The following MACROH2A2 variants were observed in gnomAD, a reference collection of about 807,000 sequenced individuals.
MACROH2A2 encodes the protein macroH2A.2 histone, also known as core histone macro-H2A.2.
A neutral mutation model predicts 37.6 loss-of-function variants in MACROH2A2; 6 were observed. The observed-to-expected ratio is 0.16, with a 90% CI of 0.09 to 0.32. MACROH2A2 has a LOEUF of 0.32. Ranked by LOEUF, MACROH2A2 falls within the 10% of genes least tolerant of loss-of-function variation. The pLI is 1.00. For missense variants in MACROH2A2, 290 were observed against 485.9 expected (o/e 0.60, Z 3.79); for synonymous variants, 192 against 202.7 (o/e 0.95, Z 0.45).
intron 7 of MACROH2A2, among the ~76,000 whole-genome samples, chr10:70,104,930 G>T (rs1371556508): frequency 2.0e-5 from 3 of 152,216 alleles, no homozygotes. Context: ...ATCTTAACAT[G>T]GTTAAAACAG....
chr10:70,062,661 G>C (rs1006607105), intron 1 of MACROH2A2, among the ~76,000 whole-genome samples: 1 of 152,160 alleles, frequency 6.6e-6, no homozygotes. Context: ...CGGTGTGACC[G>C]AACCCCACCT....
chr10:70,079,142 T>G (rs1223341971), intron 2 of MACROH2A2, among the ~76,000 whole-genome samples: 2 of 151,856 alleles, frequency 1.3e-5, no homozygotes, highest in African/African-American at 4.8e-5. Context: ...AACTGCGGGT[T>G]GGGGGAAGGG....
At chr10:70,057,130 A>T (rs988024175) in intron 1 of MACROH2A2, among the ~76,000 whole-genome samples, 2 of 152,224 alleles carry the variant, frequency 1.3e-5, no homozygotes, top group Admixed American at 1.3e-4. Flanking sequence ...TCATTTATTC[A>T]AACACTAGTT....
At chr10:70,085,168 G>T (rs1464118418) in intron 2 of MACROH2A2, among the ~76,000 whole-genome samples, 1 of 152,158 alleles carries the variant, frequency 6.6e-6, no homozygotes, top group Non-Finnish European at 1.5e-5. Flanking sequence ...CTAGATCTCT[G>T]GTAGGAGCCA....
intron 6 of MACROH2A2, among the ~76,000 whole-genome samples, chr10:70,095,961 G>A (rs777281666): frequency 6.6e-6 from 1 of 152,126 alleles, no homozygotes; most frequent in African/African-American, 2.4e-5. Flanking sequence ...TTGGGGTATT[G>A]TGTAAAAGCA....
chr10:70,094,159 C>T (rs2072261896), intron 5 of MACROH2A2, among the ~76,000 whole-genome samples: 1 of 145,934 alleles, frequency 6.9e-6, no homozygotes, highest in Non-Finnish European at 1.5e-5. Context: ...TCTACATCTG[C>T]CAAAAAAAAA....
chr10:70,071,791 A>G (rs138872033), intron 1 of MACROH2A2, among the ~76,000 whole-genome samples: 3 of 152,340 alleles, frequency 2.0e-5, no homozygotes, highest in African/African-American at 4.8e-5. Flanking sequence ...AAAGGACAGT[A>G]AAATACAGTA....
At chr10:70,086,444 T>G (rs1460563297) in intron 2 of MACROH2A2, among the ~76,000 whole-genome samples, 1 of 152,222 alleles carries the variant, frequency 6.6e-6, no homozygotes, top group African/African-American at 2.4e-5. Context: ...TGCTGCATGC[T>G]GAGTCTCTGC....
At chr10:70,063,387 A>G (rs911183128) in intron 1 of MACROH2A2, among the ~76,000 whole-genome samples, 3 of 152,198 alleles carry the variant, frequency 2.0e-5, no homozygotes, top group Admixed American at 2.0e-4. Context: ...TGGGAACCTC[A>G]TATGCTGCAA....
chr10:70,101,022 GA>G (rs1372564739), intron 7 of MACROH2A2, among the ~76,000 whole-genome samples: 5 of 152,180 alleles, frequency 3.3e-5, no homozygotes, highest in African/African-American at 9.7e-5. Flanking sequence ...ACCTCACACA[GA>G]AACCCTGTTG....
At chr10:70,072,836 A>C (rs2136623651) in intron 1 of MACROH2A2, among the ~76,000 whole-genome samples, 1 of 152,304 alleles carries the variant, frequency 6.6e-6, no homozygotes, top group African/African-American at 2.4e-5. Flanking sequence ...GCACACCGAT[A>C]GTCCCAGCTA....
intron 6 of MACROH2A2, among the ~76,000 whole-genome samples, chr10:70,097,114 G>A (rs149240492): frequency 0.011 from 1,665 of 152,222 alleles, 15 homozygotes; most frequent in South Asian, 0.023. Flanking sequence ...AAAAATTCAC[G>A]CTCAGATCCC....
At chr10:70,102,729 AAAAAG>A (rs1209640068) in intron 7 of MACROH2A2, among the ~76,000 whole-genome samples, 1 of 152,132 alleles carries the variant, frequency 6.6e-6, no homozygotes, top group African/African-American at 2.4e-5. Context: ...AAAAAAAAGA[AAAAAG>A]AAGAAAAGAA....
chr10:70,061,006 G>A (rs1257497184), intron 1 of MACROH2A2, among the ~76,000 whole-genome samples: 1 of 151,518 alleles, frequency 6.6e-6, no homozygotes, highest in Non-Finnish European at 1.5e-5. Flanking sequence ...AAGAAATATT[G>A]GTTTAAAGAA....
At chr10:70,105,405 T>C (rs990623739) in intron 7 of MACROH2A2, among the ~76,000 whole-genome samples, 4 of 151,916 alleles carry the variant, frequency 2.6e-5, no homozygotes, top group African/African-American at 9.7e-5. Context: ...CCGGAGAGAA[T>C]GGGCGAGGGA....
intron 3 of MACROH2A2, 152 bp from the exon 4 acceptor site, chr10:70,091,605 C>T (rs560780952): frequency 1.2e-4 from 68 of 575,312 alleles, no homozygotes; most frequent in African/African-American, 1.1e-3. Context: ...AACCTGGAGG[C>T]GGAGGCTGCA....
chr10:70,065,829 GA>G lies in MACROH2A2; in HGVS notation c.-59-9763del, dbSNP rs567180763. ...GGGAGGGATAATCAAAGACATAATA[GA>G]AAAAAAATCCATGTTATAAAAGTCT... On this transcript the variant is annotated intron_variant, in intron 1 of 8. Coordinates refer to ENST00000373255, the MANE Select transcript of MACROH2A2 (RefSeq NM_018649.3). 3.4e-4 allele frequency among the ~76,000 whole-genome samples: 51 copies of G among 151,776 alleles called. No homozygotes were observed. The South Asian group carries it at 0.011, about 32-fold the overall frequency.
intron 2 of MACROH2A2, among the ~76,000 whole-genome samples, chr10:70,086,108 C>T (rs2072209455): frequency 6.6e-6 from 1 of 151,958 alleles, no homozygotes; most frequent in African/African-American, 2.4e-5. Context: ...AATGATCCTC[C>T]CACCCCAGCC....
chr10:70,058,893 C>A (rs1179107901), intron 1 of MACROH2A2, among the ~76,000 whole-genome samples: 1 of 151,982 alleles, frequency 6.6e-6, no homozygotes, highest in Non-Finnish European at 1.5e-5. Flanking sequence ...CTTAAGTCCC[C>A]CGTCCCCCCA....
Sources: gnomAD v4.1 joint callset for allele counts (sites outside exome capture counted in the v4.1 genomes callset) on GRCh38, gnomAD v4.1.1 for gene constraint, MANE v1.5 for transcripts, NCBI Gene and HGNC (gene_info 2026-07-23, HGNC 2026-07-21) for gene names.